The following CDC42EP4 variants were observed in gnomAD, a reference collection of about 807,000 sequenced individuals.
The protein encoded by CDC42EP4 is CDC42 effector protein (Rho GTPase binding) 4.
Under a neutral mutation model 5.6 loss-of-function variants are expected in CDC42EP4, and 6 were observed. That is an observed-to-expected ratio of 1.07 (90% CI 0.59 to 2.12). The LOEUF is 2.12. Among genes scored for constraint, CDC42EP4 ranks in the 30% most tolerant of loss-of-function variants. The pLI is 0.00. For missense variants in CDC42EP4, 490 were observed against 508.6 expected (o/e 0.96, Z 0.35); for synonymous variants, 230 against 224.2 (o/e 1.03, Z -0.23).
At chr17:73,302,151 T>A (rs1278890138) in intron 1 of CDC42EP4, among the ~76,000 whole-genome samples, 1 of 152,076 alleles carries the variant, frequency 6.6e-6, no homozygotes, top group Non-Finnish European at 1.5e-5. Flanking sequence ...TACCTTTTTT[T>A]CCCCCTAACA....
At chr17:73,294,167 A>G (rs2062174320) in intron 1 of CDC42EP4, among the ~76,000 whole-genome samples, 1 of 152,186 alleles carries the variant, frequency 6.6e-6, no homozygotes. Flanking sequence ...CCTGGCCAAC[A>G]TGGTGAAACC....
chr17:73,300,508 C>A (rs1568344705), intron 1 of CDC42EP4, among the ~76,000 whole-genome samples: 1 of 152,172 alleles, frequency 6.6e-6, no homozygotes, highest in African/African-American at 2.4e-5. Flanking sequence ...AATAATTGAC[C>A]CTCCACTGTC....
intron 1 of CDC42EP4, among the ~76,000 whole-genome samples, chr17:73,298,174 C>G (rs1280289394): frequency 1.3e-5 from 2 of 151,762 alleles, no homozygotes; most frequent in African/African-American, 2.4e-5. Flanking sequence ...GTGAAAATCT[C>G]CCACTGATGT....
chr17:73,306,098 T>C (rs1014081090), intron 1 of CDC42EP4, among the ~76,000 whole-genome samples: 2 of 151,978 alleles, frequency 1.3e-5, no homozygotes, highest in African/African-American at 2.4e-5. Context: ...GACAAGATGG[T>C]GAGGTGGAGG....
intron 1 of CDC42EP4, among the ~76,000 whole-genome samples, chr17:73,294,758 A>G (rs1187820085): frequency 2.6e-5 from 4 of 152,050 alleles, no homozygotes; most frequent in Admixed American, 6.6e-5. Context: ...ACACACACAC[A>G]CGCATGTGCA....
chr17:73,310,500 G>A (rs1452291821), intron 1 of CDC42EP4, among the ~76,000 whole-genome samples: 2 of 152,068 alleles, frequency 1.3e-5, no homozygotes, highest in Admixed American at 1.3e-4. Flanking sequence ...GGATCCAGCT[G>A]CTCAGCTATC....
intron 1 of CDC42EP4, among the ~76,000 whole-genome samples, chr17:73,287,079 G>T (rs1017542198): frequency 1.6e-4 from 25 of 152,202 alleles, no homozygotes; most frequent in Non-Finnish European, 7.3e-5. Context: ...GATCCCTGTG[G>T]AGTTAGTGGA....
At position 73,312,000 on chromosome 17, in the gene CDC42EP4, C is replaced by T. The variant is rs2062277772; in HGVS notation, c.-220G>A. ...TGTCAGCGCCGGCGTTTGTTTCCCTCTGGCTCTCGGGCTTTCAGGGCTGGG... is the reference window on the plus strand; with the variant it reads ...TGTCAGCGCCGGCGTTTGTTTCCCTTTGGCTCTCGGGCTTTCAGGGCTGGG... On this transcript the variant is annotated 5_prime_UTR_variant, in exon 1 of 2. Transcript: ENST00000335793. 1 of 152,300 alleles carries T rather than the reference C, an allele frequency of 6.6e-6. No individual in the cohort carries two copies. Among genetic ancestry groups the T allele is most frequent in the Non-Finnish European group, 1.5e-5 (1 of 68,090 alleles). The allele number at this position is 152,300 out of a possible 1,614,324, so 9.4% of individuals were successfully genotyped here.
chr17:73,300,238 C>T (rs2062210994), intron 1 of CDC42EP4, among the ~76,000 whole-genome samples: 2 of 152,164 alleles, frequency 1.3e-5, no homozygotes, highest in African/African-American at 2.4e-5. Flanking sequence ...ACTTTGATGG[C>T]CCCTTCCTGA....
intron 1 of CDC42EP4, among the ~76,000 whole-genome samples, chr17:73,294,760 G>A (rs1039964412): frequency 9.9e-5 from 15 of 152,004 alleles, no homozygotes; most frequent in African/African-American, 2.9e-4. Context: ...ACACACACAC[G>A]CATGTGCACA....
intron 1 of CDC42EP4, among the ~76,000 whole-genome samples, chr17:73,297,318 A>C (rs2062193545): frequency 6.8e-6 from 1 of 147,472 alleles, no homozygotes; most frequent in East Asian, 2.0e-4. Flanking sequence ...AAACACACAC[A>C]CACAAATTAG....
chr17:73,300,958 A>G (rs1384322150), intron 1 of CDC42EP4, among the ~76,000 whole-genome samples: 1 of 151,668 alleles, frequency 6.6e-6, no homozygotes. Flanking sequence ...GGCAGGAAGT[A>G]TTGCTTCAAC....
chr17:73,300,140 G>C (rs372805335), intron 1 of CDC42EP4, among the ~76,000 whole-genome samples: 69 of 152,278 alleles, frequency 4.5e-4, no homozygotes, highest in African/African-American at 1.6e-3. Flanking sequence ...CTGCCCGCGT[G>C]CCAATCCATG....
intron 1 of CDC42EP4, among the ~76,000 whole-genome samples, chr17:73,297,427 T>C (rs1485522963): frequency 6.6e-6 from 1 of 151,752 alleles, no homozygotes; most frequent in Non-Finnish European, 1.5e-5. Context: ...TGAGCTGAGA[T>C]CACGCCATTG....
At chr17:73,308,618 T>G (rs1599444830) in intron 1 of CDC42EP4, among the ~76,000 whole-genome samples, 1 of 152,050 alleles carries the variant, frequency 6.6e-6, no homozygotes, top group African/African-American at 2.4e-5. Context: ...TCAAACACCT[T>G]TTGGCCACAC....
At chr17:73,298,946 C>T (rs1377524723) in intron 1 of CDC42EP4, among the ~76,000 whole-genome samples, 3 of 151,878 alleles carry the variant, frequency 2.0e-5, no homozygotes, top group African/African-American at 7.3e-5. Flanking sequence ...ATTTTACTCA[C>T]TCTCACATCT....
At chr17:73,308,067 G>A (rs573789571) in intron 1 of CDC42EP4, among the ~76,000 whole-genome samples, 2 of 151,854 alleles carry the variant, frequency 1.3e-5, no homozygotes, top group African/African-American at 2.4e-5. Context: ...CCTTCCCAAC[G>A]CACTCAAGCA....
chr17:73,285,147 C>T lies in CDC42EP4; in HGVS notation c.*283G>A, dbSNP rs113278799. On this transcript the variant is annotated 3_prime_UTR_variant, in exon 2 of 2. Coordinates refer to ENST00000335793, the MANE Select transcript of CDC42EP4 (RefSeq NM_012121.5). The surrounding 1 kb of genome is among the most constrained non-coding windows in gnomAD (Gnocchi z 6.8). Reference sequence around the variant, plus strand: ...CCAGGGTGGAGGAAAGGGAGGCCAACAGAGGAAAACCTATTCCTGCTGTGA... The same window carrying T: ...CCAGGGTGGAGGAAAGGGAGGCCAATAGAGGAAAACCTATTCCTGCTGTGA... 8.6e-4 allele frequency: 234 copies of T among 272,752 alleles called. No individual in the cohort carries two copies. The highest frequency in any genetic ancestry group is 4.7e-3 in the African/African-American group (215 of 45,844). 16.9% of individuals were successfully genotyped at this position (272,752 alleles called of 1,614,324 possible). A position where few individuals can be genotyped will look rare whatever the true frequency, so the allele number is the denominator to read the frequency against.
rs964181140 is a variant in CDC42EP4 at position 73,284,031 on chromosome 17, C to G, written c.*1399G>C. 5 of 152,254 alleles carry G rather than the reference C, an allele frequency of 3.3e-5. No homozygotes were observed. The East Asian group carries it at 9.6e-4, about 29-fold the overall frequency. 9.4% of individuals were successfully genotyped at this position (152,254 alleles called of 1,614,324 possible). A position where few individuals can be genotyped will look rare whatever the true frequency, so the allele number is the denominator to read the frequency against. ...CTCAGGGCTCATACCCGAGCTTCTG[C>G]TCAATCCCCTCGGGGACAGTTACAG... On this transcript the variant is annotated 3_prime_UTR_variant, in exon 2 of 2. Coordinates refer to ENST00000335793, the MANE Select transcript of CDC42EP4 (RefSeq NM_012121.5).
Sources: gnomAD v4.1 joint callset for allele counts (sites outside exome capture counted in the v4.1 genomes callset) on GRCh38, gnomAD v4.1.1 for gene constraint, Gnocchi (gnomAD v3.1) non-coding constraint, MANE v1.5 for transcripts, NCBI Gene and HGNC (gene_info 2026-07-23, HGNC 2026-07-21) for gene names.